Variants in RIPOR2 observed in about 807,000 individuals in gnomAD.
RIPOR2 encodes rho family-interacting cell polarization regulator 2.
In RIPOR2, 39 loss-of-function variants were observed where a neutral mutation model predicts 114.5. The observed-to-expected ratio is 0.34, with a 90% CI of 0.26 to 0.44. The LOEUF is 0.44. Among genes scored for constraint, RIPOR2 ranks in the 20% least tolerant of loss-of-function variants. The pLI is 1.00. For missense variants in RIPOR2, 1,007 were observed against 1,255.1 expected, an observed-to-expected ratio of 0.80 and a Z score of 2.99; for synonymous variants, 445 against 484.4, an observed-to-expected ratio of 0.92 and a Z score of 1.07.
At chr6:25,015,475 C>A (rs146698740) in intron 1 of RIPOR2, 1 of 152,154 alleles carries the variant, frequency 6.6e-6, no homozygotes, top group Non-Finnish European at 1.5e-5. Context: ...CCTGGTGAAA[C>A]GGTGTTTACG....
At chr6:24,823,191 G>A (rs1285074569) in intron 19 of RIPOR2, among the ~76,000 whole-genome samples, 1 of 152,174 alleles carries the variant, frequency 6.6e-6, no homozygotes, top group Admixed American at 6.6e-5. Flanking sequence ...CTCTCACAGA[G>A]GCATTTTTGT....
intron 1 of RIPOR2, among the ~76,000 whole-genome samples, chr6:25,038,192 C>T (rs1360701289): frequency 6.6e-6 from 1 of 152,098 alleles, no homozygotes; most frequent in South Asian, 2.1e-4. Context: ...AACAAAAAAC[C>T]TAAAGCTTTC....
chr6:24,855,523 G>A (rs9393593), intron 8 of RIPOR2, among the ~76,000 whole-genome samples: 47,569 of 152,108 alleles, frequency 0.31, 7,911 homozygotes, highest in Non-Finnish European at 0.38. Context: ...TTGATGAGCT[G>A]GTCCAGAAAC....
chr6:25,015,553 A>C (rs2113690884), intron 1 of RIPOR2: 1 of 152,324 alleles, frequency 6.6e-6, no homozygotes, highest in East Asian at 1.9e-4. Context: ...CCCAGTGGGA[A>C]ATTCATAGGA....
chr6:24,922,509 T>G (rs1770567275), intron 1 of RIPOR2, among the ~76,000 whole-genome samples: 1 of 150,590 alleles, frequency 6.6e-6, no homozygotes, highest in Non-Finnish European at 1.5e-5. Context: ...CCCTCAGGAA[T>G]TGCCTGGTAC....
intron 1 of RIPOR2, among the ~76,000 whole-genome samples, chr6:24,987,660 T>C (rs1020531541): frequency 7.9e-5 from 12 of 152,244 alleles, no homozygotes; most frequent in South Asian, 4.1e-4. Context: ...GGCTGTGCAA[T>C]GTTCACAAAA....
At chr6:24,978,051 G>A (rs1004042097) in intron 1 of RIPOR2, among the ~76,000 whole-genome samples, 1 of 152,178 alleles carries the variant, frequency 6.6e-6, no homozygotes, top group African/African-American at 2.4e-5. Flanking sequence ...AACTGCCAGA[G>A]TGGGATTTCG....
At chr6:24,940,008 T>G (rs959475344), upstream of RIPOR2, among the ~76,000 whole-genome samples, 2 of 152,208 alleles carry the variant, frequency 1.3e-5, no homozygotes, top group Non-Finnish European at 2.9e-5. Flanking sequence ...GGAACTTTAC[T>G]CACTTCATTC....
intron 18 of RIPOR2, among the ~76,000 whole-genome samples, chr6:24,825,947 CAG>C (rs1760147638): frequency 1.0e-5 from 1 of 100,370 alleles, no homozygotes; most frequent in Admixed American, 1.2e-4. Flanking sequence ...TTTTTTGAGA[CAG>C]AGTCTCTTTC....
chr6:24,973,507 G>A lies in RIPOR2; in HGVS notation c.76+68344C>T, dbSNP rs192523694. ...TGCTACTTGGGAGGCTGAGGCAGGA[G>A]AATAGCTTGAACCTGGAAGGCAGAG... On this transcript the variant is annotated intron_variant, in intron 1 of 13. Transcript: ENST00000510784. Among the ~76,000 whole-genome samples the A allele has an allele frequency of 6.6e-3, 988 of 150,454 alleles. 12 individuals are homozygous for A. The highest frequency in any genetic ancestry group is 0.023 in the African/African-American group (932 of 40,928).
chr6:24,873,674 T>C lies in RIPOR2; in HGVS notation c.314A>G (p.Glu105Gly), dbSNP rs1309400297. Residue 105 changes from glutamate to glycine, a missense_variant, in exon 3 of 22, where the codon GAA becomes GGA. By Grantham distance (98) the Glu-to-Gly change is moderately conservative. Coordinates refer to ENST00000643898, the MANE Select transcript of RIPOR2 (RefSeq NM_001286445.3). Reference protein sequence around the residue: ...PKEPQPKRVEEVYRALKNGLD... With the variant: ...PKEPQPKRVEGVYRALKNGLD... ...TCCATTTTTCAAGGCCCTGTAGACT[T>C]CTTCCACCCTTTTAGGCTGAGGCTC... The C allele has an allele frequency of 3.7e-6, 6 of 1,613,624 alleles. No individual in the cohort carries two copies. The South Asian group carries it at 5.5e-5, about 15-fold the overall frequency.
intron 1 of RIPOR2, among the ~76,000 whole-genome samples, chr6:25,026,934 G>A (rs1776655187): frequency 6.6e-6 from 1 of 152,082 alleles, no homozygotes; most frequent in Admixed American, 6.5e-5. Flanking sequence ...ACCACTCCCG[G>A]GCTCCTCAGG....
At chr6:24,831,666 T>C (rs773693054) in intron 16 of RIPOR2, among the ~76,000 whole-genome samples, 2 of 152,194 alleles carry the variant, frequency 1.3e-5, no homozygotes, top group Admixed American at 6.5e-5. Flanking sequence ...AATCAGAGAT[T>C]ATCTGGAAGA....
intron 21 of RIPOR2, 107 bp downstream of exon 21, chr6:24,809,610 G>C (rs1781003068): frequency 1.3e-6 from 1 of 744,030 alleles, no homozygotes; most frequent in South Asian, 1.6e-5. Context: ...CTGCTAAACA[G>C]GGTACATGAA....
At chr6:24,901,199 A>G (rs765936025) in intron 1 of RIPOR2, among the ~76,000 whole-genome samples, 3 of 152,212 alleles carry the variant, frequency 2.0e-5, no homozygotes, top group Non-Finnish European at 2.9e-5. Flanking sequence ...AGTCCCCTAC[A>G]CGAAAAACTA....
intron 1 of RIPOR2, among the ~76,000 whole-genome samples, chr6:24,897,450 T>TC (rs1767990578): frequency 6.6e-6 from 1 of 151,996 alleles, no homozygotes; most frequent in Non-Finnish European, 1.5e-5. Context: ...ATAGCACCCC[T>TC]CCCCCTCCGC....
chr6:24,949,076 C>CT lies in RIPOR2; in HGVS notation c.77-73260dup, dbSNP rs10715518. 1.6e-3 allele frequency among the ~76,000 whole-genome samples: 249 copies of CT among 151,538 alleles called. 1 individual carries two copies. The highest frequency in any genetic ancestry group is 5.7e-3 in the African/African-American group (234 of 41,270). Reference sequence around the variant, plus strand: ...TCCTCCTTAACTCTTCAAATAGTATCTTTTTTTTTCCTTTTCTTAGAACCA... The same window carrying CT: ...TCCTCCTTAACTCTTCAAATAGTATCTTTTTTTTTTCCTTTTCTTAGAACCA... On this transcript the variant is annotated intron_variant, in intron 1 of 13. Transcript: ENST00000510784.
intron 1 of RIPOR2, chr6:25,023,852 C>G (rs1776460177): frequency 1.4e-6 from 1 of 732,784 alleles, no homozygotes. Flanking sequence ...GGGGCTTTGA[C>G]CGGTTCCTAG....
At chr6:24,969,528 G>T (rs1342707402) in intron 1 of RIPOR2, among the ~76,000 whole-genome samples, 1 of 152,216 alleles carries the variant, frequency 6.6e-6, no homozygotes, top group Non-Finnish European at 1.5e-5. Context: ...TTTTCACAGT[G>T]TGGGCCACTT....
Sources: allele counts gnomAD v4.1 joint callset (sites outside exome capture counted in the v4.1 genomes callset), GRCh38; gene constraint gnomAD v4.1.1; transcripts MANE v1.5; gene names NCBI Gene and HGNC (gene_info 2026-07-23, HGNC 2026-07-21).